Variants in EBF1 observed in about 807,000 individuals in gnomAD.
EBF1 encodes EBF transcription factor 1.
In EBF1, 10 loss-of-function variants were observed where a neutral mutation model predicts 68.4. The ratio of observed to expected loss-of-function variants is 0.15; its 90% CI spans 0.09 to 0.25. EBF1 has a LOEUF of 0.25. Among genes scored for constraint, EBF1 ranks in the 10% least tolerant of loss-of-function variants. The pLI is 1.00. For missense variants in EBF1, 509 were observed against 794.4 expected (o/e 0.64, Z 4.32); for synonymous variants, 298 against 299.8 (o/e 0.99, Z 0.06).
intron 6 of EBF1, among the ~76,000 whole-genome samples, chr5:158,939,362 G>A (rs1278110673): frequency 6.6e-6 from 1 of 152,218 alleles, no homozygotes; most frequent in African/African-American, 2.4e-5. Context: ...GAGGCAAGAT[G>A]AGTACTTCCA....
rs573392327 is a variant in EBF1, at chr5:158,759,327, A to AT, written c.1036+18085dup. Reference sequence around the variant, plus strand: ...CATGAGCCTCTTGTTCCATGGACCTATTTTTTTAGAGTCAGAAAGGGAGAG... The same window carrying AT: ...CATGAGCCTCTTGTTCCATGGACCTATTTTTTTTAGAGTCAGAAAGGGAGAG... On this transcript the variant is annotated intron_variant, in intron 10 of 15. Coordinates refer to ENST00000313708, the MANE Select transcript of EBF1 (RefSeq NM_024007.5). 1.4e-3 allele frequency among the ~76,000 whole-genome samples: 210 copies of AT among 152,190 alleles called. 1 individual carries two copies. The highest frequency in any genetic ancestry group is 4.6e-3 in the African/African-American group (189 of 41,518).
chr5:159,087,516 G>A (rs1406818261), intron 4 of EBF1, among the ~76,000 whole-genome samples: 1 of 151,374 alleles, frequency 6.6e-6, no homozygotes, highest in Admixed American at 6.6e-5. Context: ...GAGGCAGGGG[G>A]AATTATCAGT....
At chr5:159,017,011 C>T (rs1050362918) in intron 6 of EBF1, among the ~76,000 whole-genome samples, 4 of 152,160 alleles carry the variant, frequency 2.6e-5, no homozygotes, top group Non-Finnish European at 5.9e-5. Context: ...CTGATTGCCA[C>T]ATTTTAAAAA....
intron 6 of EBF1, among the ~76,000 whole-genome samples, chr5:159,056,560 C>T (rs1774767457): frequency 6.6e-6 from 1 of 152,180 alleles, no homozygotes; most frequent in South Asian, 2.1e-4. Context: ...TTGGCAATTC[C>T]AAATGTGTGA....
intron 6 of EBF1, among the ~76,000 whole-genome samples, chr5:159,073,093 A>G (rs983737264): frequency 6.6e-6 from 1 of 152,200 alleles, no homozygotes; most frequent in Non-Finnish European, 1.5e-5. Flanking sequence ...AACTATTATT[A>G]TTTTATTTCT....
chr5:158,773,634 T>A (rs1774361717), intron 10 of EBF1, among the ~76,000 whole-genome samples: 1 of 152,050 alleles, frequency 6.6e-6, no homozygotes. Context: ...TATATGAAAA[T>A]TCTTACAGAA....
At chr5:158,969,904 GA>G (rs143280142) in intron 6 of EBF1, among the ~76,000 whole-genome samples, 1,708 of 105,630 alleles carry the variant, frequency 0.016, 66 homozygotes, top group African/African-American at 0.023. Flanking sequence ...AAGAAAGAAA[GA>G]AAGAAAGAAA....
intron 6 of EBF1, among the ~76,000 whole-genome samples, chr5:159,022,930 G>A (rs1050911575): frequency 6.6e-6 from 1 of 152,178 alleles, no homozygotes; most frequent in African/African-American, 2.4e-5. Flanking sequence ...AAAAAATATT[G>A]TAAAGTCATC....
At chr5:158,937,098 T>G (rs1337582319) in intron 6 of EBF1, among the ~76,000 whole-genome samples, 2 of 151,850 alleles carry the variant, frequency 1.3e-5, no homozygotes, top group African/African-American at 4.8e-5. Flanking sequence ...CTGCCCTCAA[T>G]AGTACAATGA....
At chr5:158,790,917 C>T (rs1453977901) in intron 9 of EBF1, among the ~76,000 whole-genome samples, 2 of 152,108 alleles carry the variant, frequency 1.3e-5, no homozygotes, top group African/African-American at 4.8e-5. Context: ...CTGTGTATTG[C>T]AAGTGTGCTC....
chr5:158,715,865 G>A (rs1210661394), intron 11 of EBF1, among the ~76,000 whole-genome samples: 1 of 152,130 alleles, frequency 6.6e-6, no homozygotes, highest in Non-Finnish European at 1.5e-5. Context: ...ACAAAAAACA[G>A]GATCAAGTGA....
At chr5:158,843,839 G>A (rs111955549) in intron 6 of EBF1, among the ~76,000 whole-genome samples, 7 of 152,178 alleles carry the variant, frequency 4.6e-5, no homozygotes, top group Non-Finnish European at 7.3e-5. Context: ...CATGGCACAC[G>A]AATTTGGGGG....
intron 6 of EBF1, among the ~76,000 whole-genome samples, chr5:158,925,532 C>T (rs1809516464): frequency 2.0e-5 from 3 of 152,156 alleles, no homozygotes; most frequent in South Asian, 4.1e-4. Flanking sequence ...GAAAGGGCTC[C>T]CTCTTCTTCT....
At chr5:158,929,491 A>T (rs900706557) in intron 6 of EBF1, among the ~76,000 whole-genome samples, 1 of 152,226 alleles carries the variant, frequency 6.6e-6, no homozygotes, top group Non-Finnish European at 1.5e-5. Flanking sequence ...CTATATTTTT[A>T]AAAAGTCTGC....
chr5:159,062,831 G>A (rs1409464153), intron 6 of EBF1, among the ~76,000 whole-genome samples: 1 of 152,168 alleles, frequency 6.6e-6, no homozygotes, highest in Non-Finnish European at 1.5e-5. Flanking sequence ...TATGCTTTGT[G>A]AGAATGTCAA....
At chr5:158,889,648 T>C (rs1384225452) in intron 6 of EBF1, among the ~76,000 whole-genome samples, 1 of 152,160 alleles carries the variant, frequency 6.6e-6, no homozygotes, top group Non-Finnish European at 1.5e-5. Flanking sequence ...CAGAAAAGCT[T>C]CACAAATTAT....
At chr5:159,051,556 C>T (rs1285452153) in intron 6 of EBF1, among the ~76,000 whole-genome samples, 1 of 151,568 alleles carries the variant, frequency 6.6e-6, no homozygotes, top group Non-Finnish European at 1.5e-5. Context: ...GAACTCGCTA[C>T]GTGTCGCTAA....
chr5:158,828,799 T>C (rs529225779), intron 7 of EBF1, among the ~76,000 whole-genome samples: 35 of 152,336 alleles, frequency 2.3e-4, no homozygotes, highest in Non-Finnish European at 3.2e-4. Context: ...TGTCCTTCAA[T>C]GGATGAATGG....
chr5:158,963,903 A>G (rs1326180460), intron 6 of EBF1, among the ~76,000 whole-genome samples: 2 of 152,180 alleles, frequency 1.3e-5, no homozygotes, highest in South Asian at 4.1e-4. Context: ...TAGGAAGACA[A>G]TAATATCCTG....
Sources: gnomAD v4.1 joint callset for allele counts (sites outside exome capture counted in the v4.1 genomes callset) on GRCh38, gnomAD v4.1.1 for gene constraint, MANE v1.5 for transcripts, NCBI Gene and HGNC (gene_info 2026-07-23, HGNC 2026-07-21) for gene names.